ACSM2A: variants seen among roughly 807,000 people sequenced by gnomAD.
ACSM2A encodes acyl-CoA synthetase medium chain family member 2A.
In ACSM2A, 72 loss-of-function variants were observed where a neutral mutation model predicts 76.6. That is an observed-to-expected ratio of 0.94 (90% CI 0.78 to 1.14). The LOEUF (loss-of-function observed/expected upper bound fraction) is 1.14. Among genes scored for constraint, ACSM2A ranks in the 50% most tolerant of loss-of-function variants. ACSM2A has a pLI of 0.00. For missense variants in ACSM2A, 684 were observed against 708.5 expected (o/e 0.97, Z 0.39); for synonymous variants, 249 against 255.9 (o/e 0.97, Z 0.26).
At chr16:20,483,362 G>A (rs992143438) in intron 13 of ACSM2A, among the ~76,000 whole-genome samples, 185 bp downstream of exon 13, 1 of 150,100 alleles carries the variant, frequency 6.7e-6, no homozygotes, top group Admixed American at 6.7e-5. Flanking sequence ...CTGAGGTCAG[G>A]AGTTCAAGAT....
chr16:20,475,560 C>A (rs1192994425), intron 7 of ACSM2A, 90 bp from the exon 8 acceptor site: 1 of 1,605,368 alleles, frequency 6.2e-7, no homozygotes, highest in South Asian at 1.1e-5. Flanking sequence ...AAGCCATTTG[C>A]ATCATCAAAG....
chr16:20,470,787 T>G (rs1248694254), intron 4 of ACSM2A: 1 of 592,412 alleles, frequency 1.7e-6, no homozygotes, highest in Admixed American at 2.1e-5. Context: ...GAGATAACTC[T>G]ATAAGACTTG....
rs560950462 is a variant in ACSM2A at position 20,463,019 on chromosome 16, G to A, written c.178-2498G>A. Among the ~76,000 whole-genome samples the A allele has an allele frequency of 1.2e-4, 17 of 144,546 alleles. No individual in the cohort carries two copies. The South Asian group carries it at 3.3e-3, about 28-fold the overall frequency. 94.8% of individuals were successfully genotyped at this position (144,546 alleles called of 152,430 possible). A position where few individuals can be genotyped will look rare whatever the true frequency, so the allele number is the denominator to read the frequency against. On this transcript the variant is annotated intron_variant, in intron 2 of 13. Coordinates refer to ENST00000573854, the MANE Select transcript of ACSM2A (RefSeq NM_001308172.2). ...ACACAGCATGTTCTCACTCATAGGTGGGAATTGAACAATGAGAACACATGG... is the reference window on the plus strand; with the variant it reads ...ACACAGCATGTTCTCACTCATAGGTAGGAATTGAACAATGAGAACACATGG...
chr16:20,486,917 G>A lies in ACSM2A; in HGVS notation c.*239G>A. 1 of 414,214 alleles carries A rather than the reference G, an allele frequency of 2.4e-6. No homozygotes were observed. Among genetic ancestry groups the A allele is most frequent in the Non-Finnish European group, 4.2e-6 (1 of 236,716 alleles). 25.7% of individuals were successfully genotyped at this position (414,214 alleles called of 1,614,324 possible). On this transcript the variant is annotated 3_prime_UTR_variant, in exon 14 of 14. Coordinates refer to ENST00000573854, the MANE Select transcript of ACSM2A (RefSeq NM_001308172.2). ...AAAAAAAGGAAAGAAAAGTAAGTCAGGGAAATATTAAAACTGCAAGGGAAA... is the reference window on the plus strand; with the variant it reads ...AAAAAAAGGAAAGAAAAGTAAGTCAAGGAAATATTAAAACTGCAAGGGAAA...
chr16:20,458,912 AT>A (rs1472890863), intron 1 of ACSM2A, among the ~76,000 whole-genome samples: 1 of 59,212 alleles, frequency 1.7e-5, no homozygotes, highest in Non-Finnish European at 3.0e-5. Context: ...ATGCATATAT[AT>A]ATATATATAT....
chr16:20,470,314 C>G (rs943421675), intron 4 of ACSM2A, among the ~76,000 whole-genome samples: 1 of 152,146 alleles, frequency 6.6e-6, no homozygotes, highest in Non-Finnish European at 1.5e-5. Flanking sequence ...CTTTCCACCT[C>G]TTGTATCTCT....
chr16:20,463,762 A>G (rs1332583483), intron 2 of ACSM2A, among the ~76,000 whole-genome samples: 3 of 152,192 alleles, frequency 2.0e-5, no homozygotes, highest in African/African-American at 7.2e-5. Context: ...AAATGAAATC[A>G]CACAGTATTT....
At chr16:20,483,340 C>G (rs1025645938) in intron 13 of ACSM2A, among the ~76,000 whole-genome samples, 163 bp downstream of exon 13, 1 of 151,952 alleles carries the variant, frequency 6.6e-6, no homozygotes, top group East Asian at 1.9e-4. Context: ...GAGGCTGAGG[C>G]GGGTGGATCA....
In ACSM2A at chr16:20,486,782, A is replaced by G. The variant is rs374763713; in HGVS notation, c.*104A>G. 9.6e-4 allele frequency: 1,333 copies of G among 1,382,016 alleles called. 30 individuals are homozygous for G. The South Asian group carries it at 0.016, about 17-fold the overall frequency. The allele number at this position is 1,382,016 out of a possible 1,614,324, so 85.6% of individuals were successfully genotyped here. On this transcript the variant is annotated 3_prime_UTR_variant, in exon 14 of 14. Transcript: ENST00000573854. ...TATATGAGATTCTTTATGGAAGAAC[A>G]TGAATATAAGTTTTGTCTTGCCTTG...
At chr16:20,458,945 T>A (rs1416088871) in intron 1 of ACSM2A, among the ~76,000 whole-genome samples, 8 of 142,372 alleles carry the variant, frequency 5.6e-5, no homozygotes, top group Non-Finnish European at 1.2e-4. Flanking sequence ...TATATATATA[T>A]AATGAAATAC....
chr16:20,459,401 C>T (rs2012464370), intron 1 of ACSM2A, among the ~76,000 whole-genome samples: 1 of 152,200 alleles, frequency 6.6e-6, no homozygotes. Context: ...AAGGATGCTA[C>T]TTGTATTAGT....
Position 20,483,821 on chromosome 16 carries a change from A to G in ACSM2A, c.1629+644A>G, listed in dbSNP as rs2014250553. Among the ~76,000 whole-genome samples the G allele has an allele frequency of 2.0e-5, 3 of 152,172 alleles. No homozygotes were observed. The South Asian group carries it at 6.2e-4, about 32-fold the overall frequency. ...GCAAGTGACAGAAATCTAGCTTGAC[A>G]TTTATTGCTCATGCAATTGAAAAGT... is the stretch of plus-strand genomic sequence containing the variant. On this transcript the variant is annotated intron_variant, in intron 13 of 13. Coordinates refer to ENST00000573854, the MANE Select transcript of ACSM2A (RefSeq NM_001308172.2).
rs944562658 is a variant in ACSM2A, at chr16:20,471,469, C to G, written c.741-67C>G. On this transcript the variant is annotated intron_variant, in intron 5 of 13. Coordinates refer to ENST00000573854, the MANE Select transcript of ACSM2A (RefSeq NM_001308172.2). ...CACACCTCCCTTTCCTCCCCTACACCTTAGTGTCCCACGCATCCTAAGCAT... is the reference window on the plus strand; with the variant it reads ...CACACCTCCCTTTCCTCCCCTACACGTTAGTGTCCCACGCATCCTAAGCAT... 3.8e-5 allele frequency: 59 copies of G among 1,550,980 alleles called. No homozygotes were observed. The African/African-American group carries it at 7.6e-4, about 20-fold the overall frequency.
At position 20,463,697 on chromosome 16, in the gene ACSM2A, G is replaced by A. The variant is rs182850082; in HGVS notation, c.178-1820G>A. 5.9e-5 allele frequency among the ~76,000 whole-genome samples: 9 copies of A among 152,248 alleles called. 1 individual carries two copies. In the East Asian group the frequency reaches 1.5e-3, roughly 26 times the overall value. ...AACTTTTTTCTTTATAAATTACCCA[G>A]TGTCAGATATTCCTTTATAGCAATG... On this transcript the variant is annotated intron_variant, in intron 2 of 13. Transcript: ENST00000573854.
chr16:20,474,534 A>G (rs2013610590), intron 6 of ACSM2A, among the ~76,000 whole-genome samples: 1 of 152,198 alleles, frequency 6.6e-6, no homozygotes. Flanking sequence ...CAAGAAATAA[A>G]TTTATTTTCT....
chr16:20,452,509 G>A (rs2011827498), intron 1 of ACSM2A: 1 of 127,554 alleles, frequency 7.8e-6, no homozygotes. Flanking sequence ...ATACAGTTGT[G>A]TATATATATA....
At position 20,469,664 on chromosome 16, in the gene ACSM2A, C is replaced by T; in HGVS notation, c.541C>T (p.Leu181=). ...ASECPSLRIK[L]LVSEKSCDGW... is the part of the protein sequence containing the mutation. ...TGAATGTCCTTCTCTGAGAATTAAGCTACTGGTGTCTGAGAAAAGCTGTGA... is the reference window on the plus strand; with the variant it reads ...TGAATGTCCTTCTCTGAGAATTAAGTTACTGGTGTCTGAGAAAAGCTGTGA... Residue 181 remains leucine (L), a synonymous_variant, in exon 4 of 14, where the codon CTA becomes TTA. Transcript: ENST00000573854. 3 of 1,613,840 alleles carry T rather than the reference C, an allele frequency of 1.9e-6. No individual in the cohort carries two copies. Among genetic ancestry groups the T allele is most frequent in the Non-Finnish European group, 8.5e-7 (1 of 1,179,816 alleles).
chr16:20,473,375 G>A (rs1017082439), intron 6 of ACSM2A, among the ~76,000 whole-genome samples: 1 of 152,078 alleles, frequency 6.6e-6, no homozygotes, highest in African/African-American at 2.4e-5. Flanking sequence ...AAAGCCCATT[G>A]GGAAAATTTA....
chr16:20,471,769 A>T, intron 6 of ACSM2A, 80 bp downstream of exon 6: 3 of 1,543,396 alleles, frequency 1.9e-6, no homozygotes, highest in East Asian at 2.3e-5. Context: ...AGTTTGTTTC[A>T]ATTCATCTAA....
Sources: allele counts gnomAD v4.1 joint callset (sites outside exome capture counted in the v4.1 genomes callset), GRCh38; gene constraint gnomAD v4.1.1; transcripts MANE v1.5; gene names NCBI Gene and HGNC (gene_info 2026-07-23, HGNC 2026-07-21).